ADAMTS3: variants seen among roughly 807,000 people sequenced by gnomAD.
The protein encoded by ADAMTS3 is ADAM metallopeptidase with thrombospondin type 1 motif 3.
A neutral mutation model predicts 129.0 loss-of-function variants in ADAMTS3; 73 were observed. That is an observed-to-expected ratio of 0.57 (90% confidence interval 0.47 to 0.69). The LOEUF is 0.69. ADAMTS3 is among the 30% of genes least tolerant of loss of function. The pLI is 0.00. For synonymous variants in ADAMTS3, 477 were observed against 510.8 expected (o/e 0.93, Z 0.89); for missense variants, 1,457 against 1,514.5 (o/e 0.96, Z 0.63).
intron 3 of ADAMTS3, among the ~76,000 whole-genome samples, chr4:72,430,348 C>T (rs1256561577): frequency 1.3e-5 from 2 of 152,006 alleles, no homozygotes; most frequent in Non-Finnish European, 2.9e-5. Flanking sequence ...GATGCTTCCT[C>T]TCAGAGCCCA....
At chr4:72,550,178 C>T (rs1019633480) in intron 2 of ADAMTS3, among the ~76,000 whole-genome samples, 4 of 151,196 alleles carry the variant, frequency 2.6e-5, no homozygotes, top group Non-Finnish European at 4.4e-5. Context: ...ACAATTCTAG[C>T]CTTACGCTAA....
At chr4:72,312,263 G>A in intron 13 of ADAMTS3, 28 bp downstream of exon 13, 1 of 1,611,794 alleles carries the variant, frequency 6.2e-7, no homozygotes, top group Non-Finnish European at 8.5e-7. Flanking sequence ...CATCCACACA[G>A]CAGGAAGGAG....
chr4:72,538,696 C>G (rs1721242601), intron 3 of ADAMTS3, among the ~76,000 whole-genome samples: 1 of 152,028 alleles, frequency 6.6e-6, no homozygotes. Context: ...GAACCCAAAT[C>G]ACCAAAACAA....
chr4:72,419,478 A>G (rs1722389672), intron 3 of ADAMTS3, among the ~76,000 whole-genome samples: 1 of 152,200 alleles, frequency 6.6e-6, no homozygotes. Context: ...ATTAGAGGTG[A>G]GGCCGTTCAG....
intron 10 of ADAMTS3, among the ~76,000 whole-genome samples, chr4:72,318,331 C>T (rs1719454573): frequency 1.3e-5 from 2 of 152,176 alleles, no homozygotes; most frequent in South Asian, 4.1e-4. Flanking sequence ...TGCTTAATCT[C>T]TAAGTCTTGG....
intron 4 of ADAMTS3, among the ~76,000 whole-genome samples, chr4:72,339,982 T>C (rs776218968): frequency 1.3e-5 from 2 of 152,080 alleles, no homozygotes; most frequent in African/African-American, 2.4e-5. Flanking sequence ...GTTCAGTTTT[T>C]CTCCCAGCAA....
chr4:72,366,607 G>T (rs979404523), intron 4 of ADAMTS3, among the ~76,000 whole-genome samples: 3 of 151,960 alleles, frequency 2.0e-5, no homozygotes, highest in Admixed American at 6.6e-5. Context: ...TATCTAAGGG[G>T]ACTTCATTCT....
chr4:72,418,201 C>T (rs1263912796), intron 3 of ADAMTS3, among the ~76,000 whole-genome samples: 1 of 151,772 alleles, frequency 6.6e-6, no homozygotes, highest in Non-Finnish European at 1.5e-5. Flanking sequence ...ATTTTTCACT[C>T]GAAATTATCT....
intron 3 of ADAMTS3, among the ~76,000 whole-genome samples, chr4:72,513,202 T>C (rs191938160): frequency 6.6e-6 from 1 of 152,190 alleles, no homozygotes; most frequent in African/African-American, 2.4e-5. Flanking sequence ...AGATAAAATT[T>C]ATGTTTTCTA....
intron 3 of ADAMTS3, among the ~76,000 whole-genome samples, chr4:72,510,496 G>A (rs1720284161): frequency 6.6e-6 from 1 of 151,424 alleles, no homozygotes; most frequent in South Asian, 2.1e-4. Flanking sequence ...ATCTGAAAAG[G>A]AAATAAAAAA....
intron 19 of ADAMTS3, among the ~76,000 whole-genome samples, chr4:72,291,764 C>T (rs1419502903): frequency 6.6e-6 from 1 of 151,804 alleles, no homozygotes; most frequent in African/African-American, 2.4e-5. Context: ...GGGTATATAC[C>T]CAGTAATGGG....
At chr4:72,361,617 C>T (rs1308390101) in intron 4 of ADAMTS3, among the ~76,000 whole-genome samples, 1 of 152,052 alleles carries the variant, frequency 6.6e-6, no homozygotes, top group Non-Finnish European at 1.5e-5. Flanking sequence ...TTGATACATC[C>T]ATATATTCCT....
chr4:72,503,587 T>C (rs983168145), intron 3 of ADAMTS3, among the ~76,000 whole-genome samples: 3 of 152,202 alleles, frequency 2.0e-5, no homozygotes, highest in Non-Finnish European at 4.4e-5. Flanking sequence ...GGTTGATGGG[T>C]AAAGTATTCA....
intron 3 of ADAMTS3, among the ~76,000 whole-genome samples, chr4:72,449,290 A>G (rs565424278): frequency 6.6e-6 from 1 of 151,798 alleles, no homozygotes; most frequent in African/African-American, 2.4e-5. Flanking sequence ...TCCCTGGGAC[A>G]TCTAACAGAC....
chr4:72,544,272 C>A (rs1578781879), intron 3 of ADAMTS3, among the ~76,000 whole-genome samples: 1 of 152,038 alleles, frequency 6.6e-6, no homozygotes, highest in South Asian at 2.1e-4. Context: ...GATTTTTCAA[C>A]CCCTTTTTTT....
chr4:72,291,014 A>G lies in ADAMTS3; in HGVS notation c.2772T>C (p.Ser924=). 1.2e-5 allele frequency: 20 copies of G among 1,614,064 alleles called. No homozygotes were observed. The highest frequency in any genetic ancestry group is 1.7e-5 in the Non-Finnish European group (20 of 1,179,964). The change falls in exon 20 of 22, where the codon TCT becomes TCC. Residue 924 remains serine (S), a synonymous_variant. Transcript: ENST00000286657. ...AGCGTACAGTGCGAAGCTGATAGCC[A>G]GAACTTCCACAGGTTTTGGTGCAGT... ...WEHCTKTCGS[S]GYQLRTVRCL...
At position 72,283,627 on chromosome 4, in the gene ADAMTS3, T is replaced by C; in HGVS notation, c.3127A>G (p.Asn1043Asp). ...LARYCSIPGYNKLCCESCSKR... is the reference protein window; with the variant it reads ...LARYCSIPGYDKLCCESCSKR... ...CTGCAGGACTCACAACATAACTTGT[T>C]ATAACCTGGTATGGAGCAGTATCGT... Residue 1043 changes from asparagine to aspartate, a missense_variant, in exon 22 of 22, where the codon AAC (asparagine) becomes GAC (aspartate). Asn to Asp is a conservative substitution (Grantham distance 23). Coordinates refer to ENST00000286657, the MANE Select transcript of ADAMTS3 (RefSeq NM_014243.3). 6.2e-7 allele frequency: 1 copy of C among 1,613,980 alleles called. No homozygotes were observed. Among genetic ancestry groups the C allele is most frequent in the Non-Finnish European group, 8.5e-7 (1 of 1,179,940 alleles).
chr4:72,428,998 A>G (rs1013209194), intron 3 of ADAMTS3, among the ~76,000 whole-genome samples: 1 of 152,082 alleles, frequency 6.6e-6, no homozygotes, highest in South Asian at 2.1e-4. Context: ...TCCCAACCTC[A>G]GAGACTTTTC....
intron 3 of ADAMTS3, among the ~76,000 whole-genome samples, chr4:72,499,069 A>G (rs1346290988): frequency 6.6e-6 from 1 of 152,132 alleles, no homozygotes; most frequent in African/African-American, 2.4e-5. Flanking sequence ...TCTAAAAGTC[A>G]GCCCAGAAAT....
Sources: gnomAD v4.1 joint callset for allele counts (sites outside exome capture counted in the v4.1 genomes callset) on GRCh38, gnomAD v4.1.1 for gene constraint, MANE v1.5 for transcripts, NCBI Gene and HGNC (gene_info 2026-07-23, HGNC 2026-07-21) for gene names.